Variants in GRK5 observed in about 807,000 individuals in gnomAD.
The protein encoded by GRK5 is g protein-coupled receptor kinase GRK5.
GRK5 carries 40 observed loss-of-function variants against 78.4 expected under a neutral mutation model. The ratio of observed to expected loss-of-function variants is 0.51; its 90% CI spans 0.40 to 0.66. GRK5 has a LOEUF of 0.66. Ranked by LOEUF, GRK5 falls within the 30% of genes least tolerant of loss-of-function variation. GRK5 has a pLI of 0.00. For synonymous variants in GRK5, 289 were observed against 296.8 expected (o/e 0.97, Z 0.27); for missense variants, 598 against 759.9 (o/e 0.79, Z 2.50).
intron 2 of GRK5, among the ~76,000 whole-genome samples, chr10:119,366,584 C>A (rs945215357): frequency 6.6e-5 from 10 of 152,174 alleles, no homozygotes; most frequent in Admixed American, 5.2e-4. Context: ...TCTCCTGGCC[C>A]AGCCACTAGA....
chr10:119,260,366 C>T (rs542000766), intron 1 of GRK5, among the ~76,000 whole-genome samples: 320 of 139,524 alleles, frequency 2.3e-3, no homozygotes, highest in Admixed American at 3.4e-3. Context: ...CATATTTAAC[C>T]GTCTGCTTTT....
At chr10:119,403,721 C>T (rs973172925) in intron 4 of GRK5, among the ~76,000 whole-genome samples, 8 of 152,046 alleles carry the variant, frequency 5.3e-5, no homozygotes, top group African/African-American at 1.9e-4. Flanking sequence ...GTAACCTCCA[C>T]CCCCCGGGTT....
intron 1 of GRK5, among the ~76,000 whole-genome samples, chr10:119,263,943 A>G (rs1332246465): frequency 1.3e-5 from 2 of 152,100 alleles, no homozygotes; most frequent in Admixed American, 6.6e-5. Flanking sequence ...AATAATAATA[A>G]TAATAAAACA....
chr10:119,436,839 C>T lies in GRK5; in HGVS notation c.927C>T (p.Tyr309=). ...LEDLHRENTV[Y]RDLKPENILL... is the part of the protein sequence containing the mutation. ...ACCTCCACCGTGAGAACACCGTCTA[C>T]CGGTGAGTGGAAGGCACCAAGGACT... The change falls in exon 9 of 16, where the codon TAC becomes TAT. Residue 309 remains tyrosine, a splice_region_variant and synonymous_variant. Transcript: ENST00000392870. 1 of 1,594,692 alleles carries T rather than the reference C, an allele frequency of 6.3e-7. No homozygotes were observed. Among genetic ancestry groups the T allele is most frequent in the Non-Finnish European group, 8.6e-7 (1 of 1,168,054 alleles).
chr10:119,325,948 G>A (rs1021643250), intron 1 of GRK5, among the ~76,000 whole-genome samples: 2 of 152,222 alleles, frequency 1.3e-5, no homozygotes, highest in African/African-American at 4.8e-5. Context: ...GGGCCCCTCA[G>A]GAGTCCCTCC....
intron 1 of GRK5, among the ~76,000 whole-genome samples, chr10:119,280,517 C>T (rs1445815415): frequency 6.6e-6 from 1 of 152,118 alleles, no homozygotes; most frequent in Non-Finnish European, 1.5e-5. Flanking sequence ...ATCTCTCAGC[C>T]TTTGTAGGAT....
At chr10:119,332,753 C>T (rs1263025698) in intron 2 of GRK5, among the ~76,000 whole-genome samples, 1 of 152,134 alleles carries the variant, frequency 6.6e-6, no homozygotes, top group Non-Finnish European at 1.5e-5. Flanking sequence ...CCCTTTTGTC[C>T]TTTGAATAAC....
At chr10:119,292,612 T>G (rs4752278) in intron 1 of GRK5, among the ~76,000 whole-genome samples, 128,790 of 152,226 alleles carry the variant, frequency 0.85, 54,579 homozygotes, top group East Asian at 0.99. Flanking sequence ...AATCATAGTT[T>G]TTCCTAGGTG....
chr10:119,441,743 C>G (rs1291014401), intron 10 of GRK5, among the ~76,000 whole-genome samples: 2 of 152,210 alleles, frequency 1.3e-5, no homozygotes, highest in Non-Finnish European at 2.9e-5. Context: ...GCAGGTCGGT[C>G]AACGTCCAGC....
intron 3 of GRK5, among the ~76,000 whole-genome samples, chr10:119,392,791 A>T (rs1851906195): frequency 6.6e-6 from 1 of 151,640 alleles, no homozygotes; most frequent in Non-Finnish European, 1.5e-5. Flanking sequence ...GTTGGAAGGG[A>T]CTCTCTTGCA....
chr10:119,424,949 A>G (rs1852643763), intron 5 of GRK5, 44 bp from the exon 6 acceptor site: 1 of 1,368,626 alleles, frequency 7.3e-7, no homozygotes. Flanking sequence ...CTGCTTGAAG[A>G]TCGGGATTAT....
chr10:119,241,439 T>C (rs1003466577), intron 1 of GRK5, among the ~76,000 whole-genome samples: 8 of 152,210 alleles, frequency 5.3e-5, no homozygotes, highest in Admixed American at 1.3e-4. Flanking sequence ...TCAACTAGCT[T>C]TTCCTGATGC....
In GRK5 at chr10:119,223,888, C is replaced by T. The variant is rs576782512; in HGVS notation, c.52+15919C>T. ...CTGGTATGTCTGGTGCCATGTTAAC[C>T]CATTAGGTCCTGGTTCTGCTCTTTG... On this transcript the variant is annotated intron_variant, in intron 1 of 15. Coordinates refer to ENST00000392870, the MANE Select transcript of GRK5 (RefSeq NM_005308.3). Among the ~76,000 whole-genome samples the T allele has an allele frequency of 3.3e-5, 5 of 152,022 alleles. No individual in the cohort carries two copies. The South Asian group carries it at 1.0e-3, about 32-fold the overall frequency.
intron 1 of GRK5, among the ~76,000 whole-genome samples, chr10:119,309,279 T>A (rs1035103383): frequency 1.3e-5 from 2 of 152,222 alleles, no homozygotes; most frequent in Admixed American, 1.3e-4. Flanking sequence ...CACGAGCCTG[T>A]GAGCTCTTGT....
At chr10:119,424,343 G>A (rs937481064) in intron 5 of GRK5, among the ~76,000 whole-genome samples, 1 of 152,218 alleles carries the variant, frequency 6.6e-6, no homozygotes, top group African/African-American at 2.4e-5. Context: ...ACTTTCTAAA[G>A]GAAAGAAGCT....
intron 6 of GRK5, among the ~76,000 whole-genome samples, chr10:119,426,288 T>A (rs1440202466): frequency 6.6e-6 from 1 of 152,252 alleles, no homozygotes; most frequent in East Asian, 1.9e-4. Flanking sequence ...TCTCTCCACC[T>A]GACTGGTGGG....
intron 1 of GRK5, among the ~76,000 whole-genome samples, chr10:119,289,741 G>A (rs12250478): frequency 0.04 from 6,051 of 152,264 alleles, 184 homozygotes; most frequent in African/African-American, 0.09. Context: ...TTTAGGCACC[G>A]GCTGAGCTAC....
chr10:119,426,738 C>A (rs916665529), intron 6 of GRK5, among the ~76,000 whole-genome samples: 1 of 152,052 alleles, frequency 6.6e-6, no homozygotes, highest in Non-Finnish European at 1.5e-5. Flanking sequence ...TCATCAGCAT[C>A]ACCGCCATCA....
intron 2 of GRK5, among the ~76,000 whole-genome samples, chr10:119,344,161 T>A (rs1851033699): frequency 6.6e-6 from 1 of 152,018 alleles, no homozygotes; most frequent in Admixed American, 6.5e-5. Flanking sequence ...ATTTTATTTT[T>A]TTTCAGTATT....
Sources: allele counts gnomAD v4.1 joint callset (sites outside exome capture counted in the v4.1 genomes callset), GRCh38; gene constraint gnomAD v4.1.1; transcripts MANE v1.5; gene names NCBI Gene and HGNC (gene_info 2026-07-23, HGNC 2026-07-21).